FRYL: variants seen among roughly 807,000 people sequenced by gnomAD.
FRYL encodes protein furry homolog-like.
In FRYL, 150 loss-of-function variants were observed where a neutral mutation model predicts 351.2. That is an observed-to-expected ratio of 0.43 (90% CI 0.37 to 0.49). FRYL has a LOEUF of 0.49. Among genes scored for constraint, FRYL ranks in the 20% least tolerant of loss-of-function variants. FRYL has a pLI of 0.00. For synonymous variants in FRYL, 1,153 were observed against 1,257.1 expected (o/e 0.92, Z 1.75); for missense variants, 3,036 against 3,619.3 (o/e 0.84, Z 4.13).
rs202244146 is a variant in FRYL at position 48,761,003 on chromosome 4, C to CTGTGTGTGTG, written c.-384+19074_-384+19075insCACACACACA. Among the ~76,000 whole-genome samples, 98 of 121,670 alleles carry CTGTGTGTGTG rather than the reference C, an allele frequency of 8.1e-4. 1 individual carries two copies. The highest frequency in any genetic ancestry group is 6.6e-3 in the East Asian group (28 of 4,216). The allele number at this position is 121,670 out of a possible 152,430, so 79.8% of individuals were successfully genotyped here. A position where few individuals can be genotyped will look rare whatever the true frequency, so the allele number is the denominator to read the frequency against. ...ACCCTCGCTACTCTCTATTATTACT[C>CTGTGTGTGTG]TGTCTGTGTGTGTGTGTGTGTGTGT... On this transcript the variant is annotated intron_variant, in intron 1 of 63. Coordinates refer to ENST00000358350, the MANE Select transcript of FRYL (RefSeq NM_015030.2).
At chr4:48,525,064 G>GAA (rs528826304) in intron 53 of FRYL, among the ~76,000 whole-genome samples, 203 of 82,258 alleles carry the variant, frequency 2.5e-3, no homozygotes, top group African/African-American at 8.0e-3. Context: ...TACACTTTTT[G>GAA]AAAAAAAAAA....
intron 3 of FRYL, among the ~76,000 whole-genome samples, chr4:48,638,974 G>T (rs547005855): frequency 6.6e-6 from 1 of 152,060 alleles, no homozygotes; most frequent in Non-Finnish European, 1.5e-5. Context: ...GAGGCTAAGG[G>T]AGGGATAGCA....
intron 30 of FRYL, among the ~76,000 whole-genome samples, chr4:48,564,457 T>G (rs989365991): frequency 5.9e-5 from 9 of 152,282 alleles, no homozygotes; most frequent in Non-Finnish European, 1.0e-4. Context: ...GATAACCCAA[T>G]AGAAAAACTG....
chr4:48,584,247 T>TA (rs1403420274), intron 19 of FRYL, among the ~76,000 whole-genome samples: 1 of 152,128 alleles, frequency 6.6e-6, no homozygotes, highest in Non-Finnish European at 1.5e-5. Flanking sequence ...ATGAATAAGG[T>TA]AAGTACGTAA....
chr4:48,749,630 C>A (rs1395257021), intron 1 of FRYL, among the ~76,000 whole-genome samples: 2 of 152,136 alleles, frequency 1.3e-5, no homozygotes, highest in Non-Finnish European at 2.9e-5. Flanking sequence ...AGCCTCATTA[C>A]TCACACCTGG....
chr4:48,733,882 T>TA (rs1404902509), intron 1 of FRYL, among the ~76,000 whole-genome samples: 2 of 151,636 alleles, frequency 1.3e-5, no homozygotes, highest in Non-Finnish European at 2.9e-5. Flanking sequence ...AGCAACCACT[T>TA]AAAAAAGCAA....
chr4:48,552,932 C>T lies in FRYL; in HGVS notation c.4435+283G>A, dbSNP rs192773904. Among the ~76,000 whole-genome samples the T allele has an allele frequency of 6.0e-4, 91 of 152,048 alleles. No homozygotes were observed. The East Asian group carries it at 0.016, about 27-fold the overall frequency. On this transcript the variant is annotated intron_variant, in intron 36 of 63. Transcript: ENST00000358350. ...TGTTCTTCTATTAGGAACATAGTTT[C>T]TTCATACTCAAAATATTACAATAAT...
chr4:48,670,134 T>A (rs1359749782), intron 3 of FRYL, among the ~76,000 whole-genome samples: 2 of 152,044 alleles, frequency 1.3e-5, no homozygotes, highest in African/African-American at 4.8e-5. Flanking sequence ...AATGTACAAT[T>A]AAATTATTTT....
chr4:48,499,977 TA>T, intron 63 of FRYL, 52 bp downstream of exon 63: 1 of 1,255,852 alleles, frequency 8.0e-7, no homozygotes, highest in Non-Finnish European at 1.1e-6. Context: ...CTAGTATTAC[TA>T]AACTTCCTGT....
chr4:48,548,550 G>A (rs1179600995), intron 40 of FRYL, 140 bp downstream of exon 40: 14 of 611,720 alleles, frequency 2.3e-5, no homozygotes, highest in Non-Finnish European at 3.8e-5. Flanking sequence ...AGAGACCAGA[G>A]GAATCATAGT....
At chr4:48,504,031 GA>G (rs1232360672) in intron 60 of FRYL, among the ~76,000 whole-genome samples, 1 of 152,086 alleles carries the variant, frequency 6.6e-6, no homozygotes, top group Admixed American at 6.5e-5. Context: ...ATGATCGTAG[GA>G]AATAACACAA....
At chr4:48,624,111 T>C (rs967747955) in intron 4 of FRYL, among the ~76,000 whole-genome samples, 1 of 152,166 alleles carries the variant, frequency 6.6e-6, no homozygotes, top group Non-Finnish European at 1.5e-5. Context: ...GCCAGTACAA[T>C]ACTTTCAGGA....
At chr4:48,570,476 T>G (rs1464014093) in intron 27 of FRYL, among the ~76,000 whole-genome samples, 1 of 152,198 alleles carries the variant, frequency 6.6e-6, no homozygotes. Context: ...AAGAAAAACA[T>G]CTTTAAAATG....
intron 16 of FRYL, among the ~76,000 whole-genome samples, chr4:48,591,828 A>T (rs932503701): frequency 6.6e-6 from 1 of 152,000 alleles, no homozygotes; most frequent in African/African-American, 2.4e-5. Context: ...GACCCATCTG[A>T]CATCTCTTAC....
At chr4:48,776,918 G>C (rs1479517472) in intron 1 of FRYL, among the ~76,000 whole-genome samples, 1 of 152,052 alleles carries the variant, frequency 6.6e-6, no homozygotes, top group East Asian at 1.9e-4. Context: ...CATGAATCCT[G>C]TGTCACTGTT....
At position 48,540,624 on chromosome 4, in the gene FRYL, T is replaced by C. The variant is rs369410159; in HGVS notation, c.6024A>G (p.Ala2008=). The change falls in exon 46 of 64, where the codon GCA becomes GCG. Residue 2008 remains alanine, a synonymous_variant. Transcript: ENST00000358350. ...NLMATIFWIA[A]SLLESDYEYE... ...ATTCATAATCTGATTCTAATAAAGA[T>C]GCTGCTATCCAAAAAATGGTGGCCA... The C allele has an allele frequency of 4.2e-5, 68 of 1,613,880 alleles. No homozygotes were observed. The highest frequency in any genetic ancestry group is 5.3e-5 in the Non-Finnish European group (63 of 1,179,954).
At chr4:48,678,126 C>T (rs1243470654) in intron 3 of FRYL, among the ~76,000 whole-genome samples, 3 of 152,146 alleles carry the variant, frequency 2.0e-5, no homozygotes, top group African/African-American at 7.2e-5. Flanking sequence ...GGTGCGGTGG[C>T]TCATGCCTGT....
chr4:48,759,096 G>T (rs1481160051), intron 1 of FRYL, among the ~76,000 whole-genome samples: 3 of 152,138 alleles, frequency 2.0e-5, no homozygotes, highest in East Asian at 3.8e-4. Flanking sequence ...TTGGGGGAAG[G>T]GGGGAGAATA....
intron 4 of FRYL, among the ~76,000 whole-genome samples, chr4:48,632,112 ATAT>A (rs1467083856): frequency 4.3e-5 from 2 of 46,174 alleles, no homozygotes; most frequent in Admixed American, 3.7e-4. Context: ...ATATATATAT[ATAT>A]ATATATATAT....
Sources: allele counts gnomAD v4.1 joint callset (sites outside exome capture counted in the v4.1 genomes callset), GRCh38; gene constraint gnomAD v4.1.1; transcripts MANE v1.5; gene names NCBI Gene and HGNC (gene_info 2026-07-23, HGNC 2026-07-21).